The following INPP5A variants were observed in gnomAD, a reference collection of about 807,000 sequenced individuals.
The protein encoded by INPP5A is inositol polyphosphate-5-phosphatase A, also known as 43 kDa inositol polyphosphate 5-phophatase.
INPP5A carries 14 observed loss-of-function variants against 65.2 expected under a neutral mutation model. The ratio of observed to expected loss-of-function variants is 0.21; its 90% CI spans 0.14 to 0.34. The LOEUF is 0.34. INPP5A is among the 10% of genes least tolerant of loss of function. The pLI is 1.00. For synonymous variants in INPP5A, 207 were observed against 208.3 expected (o/e 0.99, Z 0.05); for missense variants, 431 against 545.6 (o/e 0.79, Z 2.09).
chr10:132,587,465 G>C lies in INPP5A; in HGVS notation c.76-20450G>C, dbSNP rs578254427. Among the ~76,000 whole-genome samples the C allele has an allele frequency of 6.6e-6, 1 of 152,308 alleles. No homozygotes were observed. Among genetic ancestry groups the C allele is most frequent in the South Asian group, 2.1e-4 (1 of 4,826 alleles). The stretch of plus-strand genomic sequence containing the variant: ...GATTCGAGGTCAGAAATCATGACGG[G>C]GAAAGGATGCGGCCATACCAGACGG... On this transcript the variant is annotated intron_variant, in intron 1 of 15. Transcript: ENST00000368594. This position sits in a 1 kb window ranked among gnomAD's most constrained non-coding sequence, Gnocchi z 4.3.
Position 132,650,622 on chromosome 10 carries a change from A to C in INPP5A, c.306+117A>C, listed in dbSNP as rs867061557. ...GTGCTCCCTGCCTGAAGCCTCACTCACGCTGCCCTGCCTGGCACTCCCGCA... is the reference window on the plus strand; with the variant it reads ...GTGCTCCCTGCCTGAAGCCTCACTCCCGCTGCCCTGCCTGGCACTCCCGCA... On this transcript the variant is annotated intron_variant, in intron 4 of 15. Coordinates refer to ENST00000368594, the MANE Select transcript of INPP5A (RefSeq NM_005539.5). This position sits in a 1 kb window ranked among gnomAD's most constrained non-coding sequence, Gnocchi z 5.5. 2.7e-6 allele frequency: 2 copies of C among 732,426 alleles called. No individual in the cohort carries two copies. The highest frequency in any genetic ancestry group is 1.9e-5 in the Admixed American group (1 of 51,438). 45.4% of individuals were successfully genotyped at this position (732,426 alleles called of 1,614,324 possible).
At chr10:132,680,777 T>C (rs2133454628) in intron 4 of INPP5A, among the ~76,000 whole-genome samples, 1 of 152,344 alleles carries the variant, frequency 6.6e-6, no homozygotes, top group East Asian at 1.9e-4. Context: ...CCCTGTGCAA[T>C]GAGGGGCTTA....
In INPP5A at chr10:132,663,278, G is replaced by C. The variant is rs764698633; in HGVS notation, c.306+12773G>C. Among the ~76,000 whole-genome samples, 4 of 152,220 alleles carry C rather than the reference G, an allele frequency of 2.6e-5. No individual in the cohort carries two copies. Among genetic ancestry groups the C allele is most frequent in the African/African-American group, 4.8e-5 (2 of 41,452 alleles). On this transcript the variant is annotated intron_variant, in intron 4 of 15. Transcript: ENST00000368594. The surrounding 1 kb of genome is among the most constrained non-coding windows in gnomAD (Gnocchi z 4.5). ...ACTCTGTTGCCCAGGCTGGAGTGCA[G>C]TAGTGCAATCGTGGCTTACTGCAGC... is the stretch of plus-strand genomic sequence containing the variant.
At chr10:132,619,824 A>C (rs1363777874) in intron 2 of INPP5A, among the ~76,000 whole-genome samples, 1 of 152,164 alleles carries the variant, frequency 6.6e-6, no homozygotes, top group East Asian at 1.9e-4. Context: ...ACACCTGGCT[A>C]ATTTTTGTAT....
intron 1 of INPP5A, among the ~76,000 whole-genome samples, chr10:132,598,070 C>T (rs972352343): frequency 2.0e-5 from 3 of 152,230 alleles, no homozygotes; most frequent in Non-Finnish European, 4.4e-5. Flanking sequence ...TTTGATTTCG[C>T]TTGGGCGTCT....
At chr10:132,752,717 G>A (rs1846518336) in intron 11 of INPP5A, among the ~76,000 whole-genome samples, 1 of 151,172 alleles carries the variant, frequency 6.6e-6, no homozygotes, top group South Asian at 2.1e-4. Context: ...TGGAGGCGGT[G>A]CGGCATGGAG....
At chr10:132,777,021 C>G (rs59798450) in intron 12 of INPP5A, among the ~76,000 whole-genome samples, 2 of 152,160 alleles carry the variant, frequency 1.3e-5, no homozygotes, top group African/African-American at 4.8e-5. Flanking sequence ...GTGTGGGATG[C>G]GCTCACTGTG....
chr10:132,757,841 G>A (rs1396575881), intron 11 of INPP5A, among the ~76,000 whole-genome samples: 21 of 148,978 alleles, frequency 1.4e-4, no homozygotes, highest in Admixed American at 6.7e-5. Flanking sequence ...GTGCGATGTC[G>A]TGGGTCCCTG....
At chr10:132,761,512 G>T (rs868178428) in intron 11 of INPP5A, among the ~76,000 whole-genome samples, 5 of 151,688 alleles carry the variant, frequency 3.3e-5, no homozygotes, top group African/African-American at 7.3e-5. Flanking sequence ...CAGCACCTGT[G>T]GGGGAGGAGC....
At chr10:132,695,119 A>G (rs1333790760) in intron 5 of INPP5A, among the ~76,000 whole-genome samples, 5 of 152,244 alleles carry the variant, frequency 3.3e-5, no homozygotes, top group Non-Finnish European at 5.9e-5. Context: ...AAAATGCTCA[A>G]CAAAATTCTC....
chr10:132,775,460 A>C (rs1055239678), intron 12 of INPP5A, among the ~76,000 whole-genome samples: 106 of 152,072 alleles, frequency 7.0e-4, no homozygotes, highest in Non-Finnish European at 1.3e-3. Context: ...AGCACCTCCC[A>C]CCTGTGGGTA....
chr10:132,725,967 C>T (rs940858061), intron 8 of INPP5A, among the ~76,000 whole-genome samples: 31 of 151,990 alleles, frequency 2.0e-4, no homozygotes, highest in Admixed American at 2.0e-3. Flanking sequence ...TGCTTTCACA[C>T]CAGAAGGGTT....
rs1386020150 is a variant in INPP5A at position 132,545,716 on chromosome 10, TG to T, written c.75+7548del. Among the ~76,000 whole-genome samples, 1 of 152,178 alleles carries T rather than the reference TG, an allele frequency of 6.6e-6. No individual in the cohort carries two copies. Among genetic ancestry groups the T allele is most frequent in the Non-Finnish European group, 1.5e-5 (1 of 68,022 alleles). ...GATACTTGGGAATCTCAGAGCCCGG[TG>T]GGAACCAGGAACTGAGCTCAGAGGC... On this transcript the variant is annotated intron_variant, in intron 1 of 15. Coordinates refer to ENST00000368594, the MANE Select transcript of INPP5A (RefSeq NM_005539.5). This position sits in a 1 kb window ranked among gnomAD's most constrained non-coding sequence, Gnocchi z 4.6.
chr10:132,714,475 G>A (rs118134017), intron 8 of INPP5A, among the ~76,000 whole-genome samples: 1 of 152,182 alleles, frequency 6.6e-6, no homozygotes, highest in African/African-American at 2.4e-5. Context: ...TGGGAACCGG[G>A]CGCACATTGT....
At chr10:132,600,216 C>A (rs1330917519) in intron 1 of INPP5A, among the ~76,000 whole-genome samples, 1 of 152,196 alleles carries the variant, frequency 6.6e-6, no homozygotes, top group Non-Finnish European at 1.5e-5. Context: ...CCTTAGAAAA[C>A]TGAATGCCTT....
At position 132,549,767 on chromosome 10, in the gene INPP5A, A is replaced by G. The variant is rs546991522; in HGVS notation, c.75+11596A>G. ...CCCAGCCTGGGTTCCTGCAGCCCCC[A>G]CTCTCTGCCCCTGGTCTGAATGGTG... is the stretch of plus-strand genomic sequence containing the variant. On this transcript the variant is annotated intron_variant, in intron 1 of 15. Coordinates refer to ENST00000368594, the MANE Select transcript of INPP5A (RefSeq NM_005539.5). The surrounding 1 kb of genome is among the most constrained non-coding windows in gnomAD (Gnocchi z 4.9). 1.6e-4 allele frequency among the ~76,000 whole-genome samples: 24 copies of G among 152,038 alleles called. 2 individuals carry two copies. In the South Asian group the frequency reaches 5.0e-3, roughly 32 times the overall value.
chr10:132,704,398 G>C lies in INPP5A; in HGVS notation c.475-3915G>C, dbSNP rs987114643. On this transcript the variant is annotated intron_variant, in intron 6 of 15. Coordinates refer to ENST00000368594, the MANE Select transcript of INPP5A (RefSeq NM_005539.5). This position sits in a 1 kb window ranked among gnomAD's most constrained non-coding sequence, Gnocchi z 4.5. ...GCCTAAAGCCACCAAGGGACCATAG[G>C]TGCAGTTCTTAACCTGTGAGCCTCA... 2.0e-5 allele frequency among the ~76,000 whole-genome samples: 3 copies of C among 152,238 alleles called. No homozygotes were observed. The highest frequency in any genetic ancestry group is 4.1e-4 in the South Asian group (2 of 4,836).
Position 132,753,407 on chromosome 10 carries a change from T to G in INPP5A, c.903+3562T>G, listed in dbSNP as rs894185028. Among the ~76,000 whole-genome samples, 6 of 152,220 alleles carry G rather than the reference T, an allele frequency of 3.9e-5. No individual in the cohort carries two copies. The highest frequency in any genetic ancestry group is 1.3e-4 in the Admixed American group (2 of 15,284). On this transcript the variant is annotated intron_variant, in intron 11 of 15. Coordinates refer to ENST00000368594, the MANE Select transcript of INPP5A (RefSeq NM_005539.5). This position sits in a 1 kb window ranked among gnomAD's most constrained non-coding sequence, Gnocchi z 5.3. Reference sequence around the variant, plus strand: ...CATCCTTCATCAACCGCCGGTCTTGTACCCGTCTGACAGAAATTTAATTCA... The same window carrying G: ...CATCCTTCATCAACCGCCGGTCTTGGACCCGTCTGACAGAAATTTAATTCA...
At chr10:132,567,524 G>A (rs561812082) in intron 1 of INPP5A, among the ~76,000 whole-genome samples, 10 of 152,328 alleles carry the variant, frequency 6.6e-5, no homozygotes, top group African/African-American at 1.9e-4. Context: ...TAGGAACATC[G>A]TAAATAACCA....
Sources: allele counts gnomAD v4.1 joint callset (sites outside exome capture counted in the v4.1 genomes callset), GRCh38; gene constraint gnomAD v4.1.1; non-coding constraint Gnocchi (gnomAD v3.1); transcripts MANE v1.5; gene names NCBI Gene and HGNC (gene_info 2026-07-23, HGNC 2026-07-21).